COBL: variants seen among roughly 807,000 people sequenced by gnomAD.
COBL encodes cordon-bleu WH2 repeat protein, also known as protein cordon-bleu.
Under a neutral mutation model 98.8 loss-of-function variants are expected in COBL, and 51 were observed. The ratio of observed to expected loss-of-function variants is 0.52; its 90% confidence interval spans 0.41 to 0.65. COBL has a LOEUF of 0.65. COBL is among the 30% of genes least tolerant of loss of function. The pLI is 0.00. For synonymous variants in COBL, 634 were observed against 651.7 expected (o/e 0.97, Z 0.41); for missense variants, 1,617 against 1,617.5 (o/e 1.00, Z 0.01).
At chr7:51,160,660 A>C (rs1392440034) in intron 5 of COBL, among the ~76,000 whole-genome samples, 1 of 152,178 alleles carries the variant, frequency 6.6e-6, no homozygotes, top group Non-Finnish European at 1.5e-5. Flanking sequence ...CGGGAAGACA[A>C]GGCTCTAAGA....
At chr7:51,205,779 CT>C (rs1229561253) in intron 2 of COBL, among the ~76,000 whole-genome samples, 28 of 151,912 alleles carry the variant, frequency 1.8e-4, no homozygotes, top group South Asian at 4.1e-4. Flanking sequence ...GAAGTGCAAT[CT>C]ATGGAATGGG....
chr7:51,293,836 G>A (rs1801134760), intron 1 of COBL, among the ~76,000 whole-genome samples: 1 of 152,160 alleles, frequency 6.6e-6, no homozygotes, highest in Non-Finnish European at 1.5e-5. Context: ...CATGCATAGT[G>A]TTCCCAGGTC....
chr7:51,139,824 G>C (rs1163059164), intron 5 of COBL, among the ~76,000 whole-genome samples: 2 of 152,108 alleles, frequency 1.3e-5, no homozygotes, highest in Non-Finnish European at 2.9e-5. Context: ...GAAGTCAAAG[G>C]GAAAACCAAG....
chr7:51,030,608 G>A (rs1399856548), intron 9 of COBL, among the ~76,000 whole-genome samples: 1 of 152,186 alleles, frequency 6.6e-6, no homozygotes, highest in East Asian at 1.9e-4. Context: ...GATGTTTCCA[G>A]GTACTGCTTG....
At chr7:51,244,304 T>C (rs1796087161) in intron 1 of COBL, among the ~76,000 whole-genome samples, 2 of 152,192 alleles carry the variant, frequency 1.3e-5, no homozygotes, top group Non-Finnish European at 2.9e-5. Flanking sequence ...ATGACTGTAG[T>C]GGGTATTTGC....
At chr7:51,292,691 T>C (rs1170884498) in intron 1 of COBL, among the ~76,000 whole-genome samples, 1 of 152,222 alleles carries the variant, frequency 6.6e-6, no homozygotes, top group East Asian at 1.9e-4. Context: ...GTCCCTCCTG[T>C]CTGGGATCTT....
intron 1 of COBL, among the ~76,000 whole-genome samples, chr7:51,297,621 G>GGTGA (rs1801540082): frequency 6.6e-6 from 1 of 152,094 alleles, no homozygotes; most frequent in Non-Finnish European, 1.5e-5. Flanking sequence ...TCGAACTCCT[G>GGTGA]ACCTCAGGTG....
rs1211222539 is a variant in COBL at position 51,016,673 on chromosome 7, A to T, written c.*878T>A. The T allele has an allele frequency of 5.9e-6, 2 of 337,018 alleles. No homozygotes were observed. The highest frequency in any genetic ancestry group is 9.6e-5 in the Admixed American group (2 of 20,772). The allele number at this position is 337,018 out of a possible 1,614,324, so 20.9% of individuals were successfully genotyped here. Reference sequence around the variant, plus strand: ...AACTCTTGACAGGTGGGCATCCAACATCCCTGCTCCTTGACCCTCTGCAGG... The same window carrying T: ...AACTCTTGACAGGTGGGCATCCAACTTCCCTGCTCCTTGACCCTCTGCAGG... On this transcript the variant is annotated 3_prime_UTR_variant, in exon 13 of 13. Coordinates refer to ENST00000265136, the MANE Select transcript of COBL (RefSeq NM_015198.5).
chr7:51,304,085 G>C (rs936417048), intron 1 of COBL, among the ~76,000 whole-genome samples: 3 of 152,210 alleles, frequency 2.0e-5, no homozygotes, highest in African/African-American at 7.2e-5. Flanking sequence ...CAGGAGACCA[G>C]AATCCAGTCC....
Position 51,176,328 on chromosome 7 carries a change from C to G in COBL, c.783+7774G>C, listed in dbSNP as rs189932659. Among the ~76,000 whole-genome samples the G allele has an allele frequency of 2.6e-5, 4 of 152,142 alleles. No homozygotes were observed. The East Asian group carries it at 7.7e-4, about 29-fold the overall frequency. The stretch of plus-strand genomic sequence containing the variant: ...GTCCTGGCTAAAATCTGATAAGAGA[C>G]TGAAAAGATTCAGGAGCTCTCTAGT... On this transcript the variant is annotated intron_variant, in intron 5 of 12. Coordinates refer to ENST00000265136, the MANE Select transcript of COBL (RefSeq NM_015198.5).
chr7:51,132,672 A>G (rs1303091654), intron 6 of COBL, among the ~76,000 whole-genome samples: 1 of 152,180 alleles, frequency 6.6e-6, no homozygotes, highest in Non-Finnish European at 1.5e-5. Context: ...ATTTACAAAG[A>G]AAAAGGGTTT....
At chr7:51,291,967 G>A (rs1800943547) in intron 1 of COBL, among the ~76,000 whole-genome samples, 1 of 152,030 alleles carries the variant, frequency 6.6e-6, no homozygotes, top group Non-Finnish European at 1.5e-5. Flanking sequence ...CTGTGGACCA[G>A]CCTGACCAAC....
chr7:51,065,577 AGAAAGG>A (rs1273706571), intron 7 of COBL: 9 of 604,168 alleles, frequency 1.5e-5, no homozygotes, highest in Non-Finnish European at 2.7e-5. Flanking sequence ...ACAGCTTGCC[AGAAAGG>A]TGGCAGGGCC....
At chr7:51,288,200 G>A (rs1445112181) in intron 1 of COBL, among the ~76,000 whole-genome samples, 2 of 152,118 alleles carry the variant, frequency 1.3e-5, no homozygotes, top group African/African-American at 4.8e-5. Context: ...TTGGGAGGCC[G>A]AGGCGGGTGG....
Position 51,250,023 on chromosome 7 carries a change from A to G in COBL, c.42-30079T>C, listed in dbSNP as rs1439989711. Among the ~76,000 whole-genome samples the G allele has an allele frequency of 2.6e-5, 4 of 152,074 alleles. No homozygotes were observed. The East Asian group carries it at 7.7e-4, about 29-fold the overall frequency. The stretch of plus-strand genomic sequence containing the variant: ...AGGCTGAGGCAGGAGAATTACTAGA[A>G]CCCGGGAGGTGGAGGTTACAGTAAG... On this transcript the variant is annotated intron_variant, in intron 1 of 12. Transcript: ENST00000265136.
intron 1 of COBL, among the ~76,000 whole-genome samples, chr7:51,311,642 A>G (rs558382405): frequency 5.0e-4 from 76 of 152,348 alleles, no homozygotes; most frequent in African/African-American, 1.8e-3. Context: ...TCAGAAGCAG[A>G]AAGCCAGGGA....
intron 6 of COBL, among the ~76,000 whole-genome samples, chr7:51,129,096 G>A (rs1798500048): frequency 6.6e-6 from 1 of 152,266 alleles, no homozygotes; most frequent in East Asian, 1.9e-4. Flanking sequence ...TTCGCTATTT[G>A]CGCACATTTT....
At chr7:51,240,128 T>C (rs1795648611) in intron 1 of COBL, among the ~76,000 whole-genome samples, 1 of 152,220 alleles carries the variant, frequency 6.6e-6, no homozygotes, top group Non-Finnish European at 1.5e-5. Flanking sequence ...TTGCAGGCTG[T>C]ACCAAAACAG....
intron 1 of COBL, among the ~76,000 whole-genome samples, chr7:51,294,035 A>C (rs569512362): frequency 6.6e-6 from 1 of 152,316 alleles, no homozygotes; most frequent in East Asian, 1.9e-4. Flanking sequence ...TCATGCCTAT[A>C]ATCTCAGCAC....
Sources: gnomAD v4.1 joint callset for allele counts (sites outside exome capture counted in the v4.1 genomes callset) on GRCh38, gnomAD v4.1.1 for gene constraint, MANE v1.5 for transcripts, NCBI Gene and HGNC (gene_info 2026-07-23, HGNC 2026-07-21) for gene names.